DGKB: variants seen among roughly 807,000 people sequenced by gnomAD.
DGKB encodes the protein 90 kDa diacylglycerol kinase.
In DGKB, 67 loss-of-function variants were observed where a neutral mutation model predicts 114.3. The ratio of observed to expected loss-of-function variants is 0.59; its 90% CI spans 0.48 to 0.72. The LOEUF (loss-of-function observed/expected upper bound fraction) is 0.72. DGKB is among the 30% of genes least tolerant of loss of function. DGKB has a pLI of 0.00. For missense variants in DGKB, 907 were observed against 975.2 expected, an observed-to-expected ratio of 0.93 and a Z score of 0.93; for synonymous variants, 398 against 323.1, an observed-to-expected ratio of 1.23 and a Z score of -2.49.
chr7:14,172,362 T>C (rs10237879), intron 25 of DGKB, among the ~76,000 whole-genome samples: 10,997 of 152,088 alleles, frequency 0.072, 1,002 homozygotes, highest in African/African-American at 0.21. Flanking sequence ...AAAATTGAGA[T>C]GGGGAAATAT....
chr7:14,881,524 T>C (rs1284186894), intron 1 of DGKB, among the ~76,000 whole-genome samples: 1 of 152,130 alleles, frequency 6.6e-6, no homozygotes, highest in African/African-American at 2.4e-5. Flanking sequence ...CAAGAGTAAA[T>C]TGGGAATTAA....
In DGKB at chr7:14,766,987, A is replaced by T. The variant is rs1301942562; in HGVS notation, c.71-9256T>A. On this transcript the variant is annotated intron_variant, in intron 2 of 25. Coordinates refer to ENST00000402815, the MANE Select transcript of DGKB (RefSeq NM_001350709.2). ...TTTCAATTCAGTAGCTGGGAAAAAAAAAATAAACCCAGAGTGAGTTTAAGA... is the reference window on the plus strand; with the variant it reads ...TTTCAATTCAGTAGCTGGGAAAAAATAAATAAACCCAGAGTGAGTTTAAGA... 2.6e-5 allele frequency among the ~76,000 whole-genome samples: 4 copies of T among 151,808 alleles called. No individual in the cohort carries two copies. The East Asian group carries it at 7.7e-4, about 29-fold the overall frequency.
At chr7:14,628,513 C>T (rs765071538) in intron 14 of DGKB, among the ~76,000 whole-genome samples, 116 of 152,152 alleles carry the variant, frequency 7.6e-4, no homozygotes, top group Non-Finnish European at 1.4e-3. Context: ...AGGCAAGATA[C>T]CATTTCCAAT....
At position 14,672,903 on chromosome 7, in the gene DGKB, T is replaced by C. The variant is rs1470112790; in HGVS notation, c.1134+26A>G. On this transcript the variant is annotated intron_variant, in intron 13 of 25. Transcript: ENST00000402815. ...GATAAGTCACAGCAATCCTAAGTTATAGTAGAATGATAAGGAAAAACTCAC... is the reference window on the plus strand; with the variant it reads ...GATAAGTCACAGCAATCCTAAGTTACAGTAGAATGATAAGGAAAAACTCAC... The C allele has an allele frequency of 3.0e-6, 4 of 1,348,326 alleles. No homozygotes were observed. The African/African-American group carries it at 4.4e-5, about 15-fold the overall frequency. The allele number at this position is 1,348,326 out of a possible 1,614,324, so 83.5% of individuals were successfully genotyped here.
chr7:14,853,481 T>C (rs1849677546), intron 1 of DGKB, among the ~76,000 whole-genome samples: 1 of 151,832 alleles, frequency 6.6e-6, no homozygotes, highest in South Asian at 2.1e-4. Flanking sequence ...GTGCTTTGTT[T>C]AAAAATTATA....
rs140555771 is a variant in DGKB at position 14,416,347 on chromosome 7, C to G, written c.1835+61814G>C. On this transcript the variant is annotated intron_variant, in intron 21 of 25. Coordinates refer to ENST00000402815, the MANE Select transcript of DGKB (RefSeq NM_001350709.2). ...GAAATTTTGGAAGGTAAGAGGATGT[C>G]CCTCCCACTCTTACTCATTGCTAAG... Among the ~76,000 whole-genome samples, 685 of 151,962 alleles carry G rather than the reference C, an allele frequency of 4.5e-3. 2 individuals are homozygous for G. Among genetic ancestry groups the G allele is most frequent in the South Asian group, 0.012 (59 of 4,798 alleles).
chr7:14,306,274 G>C (rs1394535060), intron 23 of DGKB, among the ~76,000 whole-genome samples: 1 of 151,878 alleles, frequency 6.6e-6, no homozygotes, highest in Non-Finnish European at 1.5e-5. Context: ...GAATCAATCA[G>C]CTTAATAATG....
chr7:14,280,241 A>G (rs1799731746), intron 23 of DGKB, among the ~76,000 whole-genome samples: 1 of 152,170 alleles, frequency 6.6e-6, no homozygotes, highest in South Asian at 2.1e-4. Context: ...GATGCGATCA[A>G]CTGGAAGAAA....
intron 1 of DGKB, among the ~76,000 whole-genome samples, chr7:14,928,734 G>C (rs1481016898): frequency 6.8e-6 from 1 of 146,268 alleles, no homozygotes; most frequent in Non-Finnish European, 1.5e-5. Flanking sequence ...TGTGTAGATT[G>C]CATGGGGGTG....
At chr7:14,249,763 T>C (rs1186566971) in intron 23 of DGKB, among the ~76,000 whole-genome samples, 7 of 152,128 alleles carry the variant, frequency 4.6e-5, no homozygotes, top group Non-Finnish European at 8.8e-5. Context: ...ATTTTTTTTA[T>C]CTTTCCAAAA....
intron 1 of DGKB, among the ~76,000 whole-genome samples, chr7:14,901,442 T>C (rs943330211): frequency 4.6e-5 from 7 of 152,228 alleles, no homozygotes; most frequent in African/African-American, 1.7e-4. Context: ...TGCTAGCCTA[T>C]GGACGTATCC....
At chr7:14,444,926 G>C (rs895705818) in intron 21 of DGKB, among the ~76,000 whole-genome samples, 1 of 151,760 alleles carries the variant, frequency 6.6e-6, no homozygotes, top group Admixed American at 6.6e-5. Context: ...AAGTATTTCT[G>C]TTAATTCCTT....
chr7:14,620,401 A>T (rs1807390949), intron 15 of DGKB, among the ~76,000 whole-genome samples: 1 of 151,494 alleles, frequency 6.6e-6, no homozygotes, highest in Admixed American at 6.6e-5. Flanking sequence ...GCATTTAGGC[A>T]TCTTCTCTGT....
intron 23 of DGKB, among the ~76,000 whole-genome samples, chr7:14,327,131 G>C (rs1358222054): frequency 1.3e-5 from 2 of 152,126 alleles, no homozygotes. Flanking sequence ...AATTGCAACG[G>C]AAGTTAAATT....
At chr7:14,728,916 G>A (rs1232029772) in intron 5 of DGKB, among the ~76,000 whole-genome samples, 1 of 151,666 alleles carries the variant, frequency 6.6e-6, no homozygotes, top group African/African-American at 2.4e-5. Flanking sequence ...TGGCCAGGCT[G>A]GTCTCAAACT....
chr7:14,750,939 G>A (rs913906965), intron 4 of DGKB, among the ~76,000 whole-genome samples: 1 of 151,144 alleles, frequency 6.6e-6, no homozygotes, highest in Non-Finnish European at 1.5e-5. Context: ...AAGTATCTGA[G>A]ACTACAGGCG....
At chr7:14,840,591 T>C (rs1208755473) in intron 2 of DGKB, among the ~76,000 whole-genome samples, 1 of 152,132 alleles carries the variant, frequency 6.6e-6, no homozygotes, top group African/African-American at 2.4e-5. Flanking sequence ...ATGCACACAC[T>C]AAAAGAGTTG....
In DGKB at chr7:14,923,632, A is replaced by T. The variant is rs1391810320; in HGVS notation, c.-188+51064T>A. ...TCATCCCTTTTGATATCTGGCATTC[A>T]TTCTTGCATTTCTCCAATCCATTCT... On this transcript the variant is annotated intron_variant, in intron 1 of 4. Coordinates refer to the DGKB transcript ENST00000437998. Among the ~76,000 whole-genome samples the T allele has an allele frequency of 2.0e-5, 3 of 152,096 alleles. No homozygotes were observed. In the South Asian group the frequency reaches 6.2e-4, roughly 31 times the overall value.
At chr7:14,614,967 G>A (rs1806250105) in intron 15 of DGKB, among the ~76,000 whole-genome samples, 1 of 152,008 alleles carries the variant, frequency 6.6e-6, no homozygotes, top group African/African-American at 2.4e-5. Context: ...AAGCCATGGT[G>A]GCTGCGGATT....
Sources: allele counts gnomAD v4.1 joint callset (sites outside exome capture counted in the v4.1 genomes callset), GRCh38; gene constraint gnomAD v4.1.1; transcripts MANE v1.5; gene names NCBI Gene and HGNC (gene_info 2026-07-23, HGNC 2026-07-21).